The following CADM1 variants were observed in gnomAD, a reference collection of about 807,000 sequenced individuals.
CADM1 encodes cell adhesion molecule 1, also known as TSLC-1.
CADM1 carries 15 observed loss-of-function variants against 53.1 expected under a neutral mutation model. That is an observed-to-expected ratio of 0.28 (90% CI 0.19 to 0.44). CADM1 has a LOEUF of 0.44. Among genes scored for constraint, CADM1 ranks in the 20% least tolerant of loss-of-function variants. The pLI, the probability that CADM1 is intolerant of heterozygous loss-of-function variation, is 1.00. For synonymous variants in CADM1, 281 were observed against 243.0 expected, an observed-to-expected ratio of 1.16 and a Z score of -1.45; for missense variants, 434 against 611.3, an observed-to-expected ratio of 0.71 and a Z score of 3.06.
chr11:115,247,675 A>G (rs888627555), intron 1 of CADM1, among the ~76,000 whole-genome samples: 9 of 152,194 alleles, frequency 5.9e-5, no homozygotes, highest in African/African-American at 1.7e-4. Flanking sequence ...AACAGCAACC[A>G]CAGCAAATAA....
chr11:115,332,433 C>T (rs79348927), intron 1 of CADM1, among the ~76,000 whole-genome samples: 2,282 of 152,184 alleles, frequency 0.015, 62 homozygotes, highest in African/African-American at 0.051. Context: ...TAAAGAACTA[C>T]GAGATCTGGG....
chr11:115,220,834 TCTAGAA>T (rs1367594051), intron 5 of CADM1, among the ~76,000 whole-genome samples: 10 of 152,192 alleles, frequency 6.6e-5, no homozygotes, highest in African/African-American at 1.9e-4. Flanking sequence ...CACTGGCACC[TCTAGAA>T]CTAAGGGACA....
At chr11:115,259,137 C>T (rs1261545016) in intron 1 of CADM1, among the ~76,000 whole-genome samples, 2 of 152,060 alleles carry the variant, frequency 1.3e-5, no homozygotes, top group Non-Finnish European at 2.9e-5. Flanking sequence ...AGAAGCGTGC[C>T]ACCACGCCCA....
Position 115,391,647 on chromosome 11 carries a change from A to G in CADM1, c.124+112624T>C, listed in dbSNP as rs549769701. On this transcript the variant is annotated intron_variant, in intron 1 of 11. Transcript: ENST00000331581. ...TTTCCTTTTTCCCCAAAACAAAACA[A>G]CACTAGCACTTACTGCAAGACAGAT... Among the ~76,000 whole-genome samples, 3 of 152,338 alleles carry G rather than the reference A, an allele frequency of 2.0e-5. No individual in the cohort carries two copies. In the South Asian group the frequency reaches 6.2e-4, roughly 32 times the overall value.
At chr11:115,269,138 T>C (rs1385905538) in intron 1 of CADM1, among the ~76,000 whole-genome samples, 1 of 152,078 alleles carries the variant, frequency 6.6e-6, no homozygotes, top group Non-Finnish European at 1.5e-5. Context: ...AGCGCTCCAA[T>C]CTAAGTGTAC....
chr11:115,199,323 T>C (rs935757005), intron 8 of CADM1, among the ~76,000 whole-genome samples: 1 of 152,256 alleles, frequency 6.6e-6, no homozygotes, highest in African/African-American at 2.4e-5. Context: ...CCTGCTTTCA[T>C]GGCTGGAGTA....
At chr11:115,224,222 C>T (rs986779382) in intron 5 of CADM1, among the ~76,000 whole-genome samples, 9 of 151,934 alleles carry the variant, frequency 5.9e-5, no homozygotes, top group African/African-American at 2.2e-4. Context: ...TTTATTTTGG[C>T]ACAGATAAAG....
At chr11:115,491,101 G>A (rs1203211203) in intron 1 of CADM1, among the ~76,000 whole-genome samples, 1 of 152,072 alleles carries the variant, frequency 6.6e-6, no homozygotes, top group African/African-American at 2.4e-5. Context: ...AAAAAAAGTT[G>A]GAAGAATTGG....
intron 1 of CADM1, among the ~76,000 whole-genome samples, chr11:115,494,134 TGAGA>T (rs576229222): frequency 5.3e-4 from 80 of 151,954 alleles, no homozygotes; most frequent in African/African-American, 1.9e-3. Flanking sequence ...TATACATTAT[TGAGA>T]GAGAGAGAGA....
At chr11:115,275,333 T>A (rs1268894488) in intron 1 of CADM1, among the ~76,000 whole-genome samples, 1 of 152,156 alleles carries the variant, frequency 6.6e-6, no homozygotes, top group Non-Finnish European at 1.5e-5. Flanking sequence ...CAGGAGGCCT[T>A]ACCTCACTCC....
At chr11:115,190,992 A>G in intron 9 of CADM1, 51 bp from the exon 10 acceptor site, 1 of 1,441,858 alleles carries the variant, frequency 6.9e-7, no homozygotes, top group Non-Finnish European at 9.5e-7. Context: ...AGGGACATAA[A>G]CAAAACACTT....
chr11:115,373,031 T>C (rs555558189), intron 1 of CADM1, among the ~76,000 whole-genome samples: 31 of 152,360 alleles, frequency 2.0e-4, no homozygotes, highest in African/African-American at 6.7e-4. Context: ...TGATATTTTA[T>C]CAAATGCAGA....
chr11:115,277,909 C>A (rs1828536604), intron 1 of CADM1, among the ~76,000 whole-genome samples: 1 of 152,136 alleles, frequency 6.6e-6, no homozygotes, highest in Admixed American at 6.6e-5. Flanking sequence ...CCTTTCTCTA[C>A]TGCTTGCCAA....
chr11:115,331,873 C>CTTTTTTT (rs141722707), intron 1 of CADM1, among the ~76,000 whole-genome samples: 12 of 146,828 alleles, frequency 8.2e-5, no homozygotes, highest in Non-Finnish European at 9.0e-5. Context: ...AAATATAGAC[C>CTTTTTTT]TTTTTTTTTG....
intron 7 of CADM1, among the ~76,000 whole-genome samples, chr11:115,210,034 A>AAGG (rs999332481): frequency 1.3e-5 from 2 of 152,166 alleles, no homozygotes; most frequent in Non-Finnish European, 1.5e-5. Context: ...AGATGGCAGG[A>AAGG]AGGAGGAGGA....
At chr11:115,256,848 T>C in intron 1 of CADM1, 1 of 456,136 alleles carries the variant, frequency 2.2e-6, no homozygotes, top group Non-Finnish European at 4.4e-6. Context: ...TATGTCCAGA[T>C]GCCTTCATTG....
rs1938908939 is a variant in CADM1 at position 115,174,217 on chromosome 11, A to T, written c.*2257T>A. ...CTACTGTACACTTTTCAAAACAGAA[A>T]GATGGGAGGTCCCAAAAATGAGATG... On this transcript the variant is annotated 3_prime_UTR_variant, in exon 12 of 12. Transcript: ENST00000331581. The T allele has an allele frequency of 1.0e-6, 1 of 985,328 alleles. No individual in the cohort carries two copies. The highest frequency in any genetic ancestry group is 1.2e-6 in the Non-Finnish European group (1 of 829,904). 61.0% of individuals were successfully genotyped at this position (985,328 alleles called of 1,614,324 possible).
intron 1 of CADM1, among the ~76,000 whole-genome samples, chr11:115,268,100 T>C (rs1943197625): frequency 6.6e-6 from 1 of 152,228 alleles, no homozygotes; most frequent in Admixed American, 6.5e-5. Flanking sequence ...TCCAGTAGTG[T>C]TGATGGGTTT....
intron 1 of CADM1, among the ~76,000 whole-genome samples, chr11:115,319,293 TGCTGCCTAACAGGCA>T (rs1944759326): frequency 6.6e-6 from 1 of 152,156 alleles, no homozygotes; most frequent in Non-Finnish European, 1.5e-5. Context: ...TTGTCTTTCC[TGCTGCCTAACAGGCA>T]GCAGCACTGG....
Sources: allele counts gnomAD v4.1 joint callset (sites outside exome capture counted in the v4.1 genomes callset), GRCh38; gene constraint gnomAD v4.1.1; transcripts MANE v1.5; gene names NCBI Gene and HGNC (gene_info 2026-07-23, HGNC 2026-07-21).